The following STARD8 variants were observed in gnomAD, a reference collection of about 807,000 sequenced individuals.
STARD8 encodes stAR-related lipid transfer protein 8.
Under a neutral mutation model 69.4 loss-of-function variants are expected in STARD8, and 25 were observed. The ratio of observed to expected loss-of-function variants is 0.36; its 90% CI spans 0.26 to 0.50. STARD8 has a LOEUF of 0.50. Ranked by LOEUF, STARD8 falls within the 20% of genes least tolerant of loss-of-function variation. STARD8 has a pLI of 0.96. For synonymous variants in STARD8, 389 were observed against 374.6 expected (o/e 1.04, Z -0.45); for missense variants, 921 against 932.5 (o/e 0.99, Z 0.16).
Position 68,725,331 on chromosome X carries a change from G to C in STARD8, c.*909G>C, listed in dbSNP as rs1412860025. The C allele has an allele frequency of 4.6e-5, 5 of 109,668 alleles. No individual in the cohort carries two copies. Among genetic ancestry groups the C allele is most frequent in the Non-Finnish European group, 9.5e-5 (5 of 52,656 alleles). The allele number at this position is 109,668 out of a possible 1,213,427, so 9.0% of individuals were successfully genotyped here. On this transcript the variant is annotated 3_prime_UTR_variant, in exon 15 of 15. Transcript: ENST00000374599. ...TTTCTCAAGCAGAGACCTGGCCCCT[G>C]GGCCAGCCAGATGGAAGGGCCTATC...
At position 68,717,213 on chromosome X, in the gene STARD8, A is replaced by G. The variant is rs777855576; in HGVS notation, c.299A>G (p.Asn100Ser). Residue 100 changes from asparagine to serine, a missense_variant and splice_region_variant, in exon 6 of 15, where the codon AAT (asparagine) becomes AGT (serine). Coordinates refer to ENST00000374599, the MANE Select transcript of STARD8 (RefSeq NM_001142503.3). ...CTGATCCTGCAGTGCCTTTCCCAGA[A>G]TGAAGACTCAGAAGAGGAAGAGCAG... ...KLEVHFQSKQNEDSEEEEQCT... is the reference protein window; with the variant it reads ...KLEVHFQSKQSEDSEEEEQCT... The G allele has an allele frequency of 8.4e-7, 1 of 1,186,699 alleles. No individual in the cohort carries two copies. The highest frequency in any genetic ancestry group is 1.1e-6 in the Non-Finnish European group (1 of 881,835).
At chrX:68,650,651 A>T (rs772130556) in intron 1 of STARD8, among the ~76,000 whole-genome samples, 4 of 110,402 alleles carry the variant, frequency 3.6e-5, no homozygotes, top group African/African-American at 9.9e-5. Flanking sequence ...AAAAAAATTT[A>T]AAATTAGTCA....
At chrX:68,653,997 CA>C (rs2079596330) in intron 1 of STARD8, among the ~76,000 whole-genome samples, 1 of 111,814 alleles carries the variant, frequency 8.9e-6, no homozygotes. Context: ...AGCGCCATCT[CA>C]ACCATGACCT....
At chrX:68,654,127 C>A (rs1044273762) in intron 1 of STARD8, among the ~76,000 whole-genome samples, 1 of 111,566 alleles carries the variant, frequency 9.0e-6, no homozygotes, top group African/African-American at 3.3e-5. Flanking sequence ...ATTCCTCTTT[C>A]TCTGTTCCTC....
Position 68,656,775 on chromosome X carries a change from G to A in STARD8, c.46-8724G>A, listed in dbSNP as rs112780416. On this transcript the variant is annotated intron_variant, in intron 1 of 14. Transcript: ENST00000374599. ...TCTCAAGGACAAAAAACCAAACACC[G>A]CATGTTCTCACTCATGGGTGGGAAT... Among the ~76,000 whole-genome samples the A allele has an allele frequency of 1.4e-4, 15 of 110,726 alleles. No homozygotes were observed. The South Asian group carries it at 4.3e-3, about 32-fold the overall frequency.
intron 2 of STARD8, among the ~76,000 whole-genome samples, chrX:68,677,468 C>T (rs1296736099): frequency 9.0e-6 from 1 of 111,645 alleles, no homozygotes; most frequent in African/African-American, 3.3e-5. Context: ...AGGGCTGTGT[C>T]CCCATTGCCT....
At chrX:68,653,061 AC>A (rs2079570347) in intron 1 of STARD8, among the ~76,000 whole-genome samples, 1 of 8,881 alleles carries the variant, frequency 1.1e-4, no homozygotes, top group Non-Finnish European at 2.1e-4. Flanking sequence ...CACCACACAC[AC>A]CACACACCAC....
intron 1 of STARD8, among the ~76,000 whole-genome samples, chrX:68,652,949 A>C (rs1602534171): frequency 1.9e-5 from 1 of 51,352 alleles, no homozygotes; most frequent in Non-Finnish European, 3.7e-5. Flanking sequence ...CACACACACC[A>C]CACCACACAC....
chrX:68,706,878 T>G (rs1000305176), intron 2 of STARD8, among the ~76,000 whole-genome samples: 4 of 113,026 alleles, frequency 3.5e-5, no homozygotes, highest in African/African-American at 1.3e-4. Flanking sequence ...AAATGGGCCT[T>G]GTAGCAACCA....
intron 1 of STARD8, among the ~76,000 whole-genome samples, chrX:68,661,969 TC>T (rs1157134810): frequency 2.2e-3 from 155 of 71,244 alleles, no homozygotes; most frequent in African/African-American, 0.014. Flanking sequence ...TCTCTCTCTC[TC>T]TCTTTCTTTC....
intron 1 of STARD8, among the ~76,000 whole-genome samples, chrX:68,652,798 C>A (rs2079558254): frequency 2.9e-5 from 2 of 69,600 alleles, no homozygotes; most frequent in East Asian, 5.1e-4. Context: ...ACACACACAC[C>A]ACACACCACA....
intron 3 of STARD8, among the ~76,000 whole-genome samples, chrX:68,714,102 C>G (rs761018236): frequency 4.4e-4 from 50 of 112,364 alleles, no homozygotes; most frequent in Admixed American, 3.7e-3. Context: ...CACAGCTCAC[C>G]TGGGCTAGTG....
intron 9 of STARD8, 135 bp from the exon 10 acceptor site, chrX:68,721,401 A>G (rs2080147379): frequency 3.0e-6 from 2 of 674,581 alleles, no homozygotes; most frequent in Non-Finnish European, 4.4e-6. Context: ...GAGACCTCAC[A>G]GAACTGACAT....
At chrX:68,653,457 A>T in intron 1 of STARD8, among the ~76,000 whole-genome samples, 1 of 54,927 alleles carries the variant, frequency 1.8e-5, no homozygotes. Context: ...CACACCACAC[A>T]CACACACCCC....
At chrX:68,719,174 G>A in intron 6 of STARD8, 51 bp from the exon 7 acceptor site, 1 of 1,115,393 alleles carries the variant, frequency 9.0e-7, no homozygotes, top group Non-Finnish European at 1.2e-6. Context: ...CTAAGGTTTA[G>A]CCAAACCTGC....
chrX:68,658,057 T>C (rs1402809373), intron 1 of STARD8, among the ~76,000 whole-genome samples: 1 of 110,935 alleles, frequency 9.0e-6, no homozygotes, highest in Non-Finnish European at 1.9e-5. Flanking sequence ...AGATTGGCAA[T>C]ACCAGACTTC....
At position 68,721,067 on chromosome X, in the gene STARD8, G is replaced by T. The variant is rs1207537180; in HGVS notation, c.2193G>T (p.Leu731=). ...ADLLKQYFRD[L]PEPIFTSKLT... ...TGCTAAAGCAGTATTTCCGGGACCT[G>T]CCTGAGCCCATCTTCACCAGCAAGC... The change falls in exon 9 of 15, where the codon CTG becomes CTT. Residue 731 remains leucine, a synonymous_variant. Transcript: ENST00000374599. 2.5e-6 allele frequency: 3 copies of T among 1,211,880 alleles called. No individual in the cohort carries two copies. The highest frequency in any genetic ancestry group is 3.3e-6 in the Non-Finnish European group (3 of 895,587).
At chrX:68,684,515 T>C (rs1030445845) in intron 2 of STARD8, among the ~76,000 whole-genome samples, 1 of 112,861 alleles carries the variant, frequency 8.9e-6, no homozygotes, top group African/African-American at 3.2e-5. Flanking sequence ...GGGAAACTCC[T>C]CTGCTTGGAG....
intron 2 of STARD8, among the ~76,000 whole-genome samples, chrX:68,679,262 C>T (rs2079785732): frequency 9.0e-6 from 1 of 111,415 alleles, no homozygotes; most frequent in South Asian, 3.8e-4. Flanking sequence ...ATAAAAACAG[C>T]ATGGCTCTGA....
Sources: gnomAD v4.1 joint callset for allele counts (sites outside exome capture counted in the v4.1 genomes callset) on GRCh38, gnomAD v4.1.1 for gene constraint, MANE v1.5 for transcripts, NCBI Gene and HGNC (gene_info 2026-07-23, HGNC 2026-07-21) for gene names.